The following MS4A13 variants were observed in gnomAD, a reference collection of about 807,000 sequenced individuals.
MS4A13 encodes membrane-spanning 4-domains subfamily A member 13.
In MS4A13, 21 loss-of-function variants were observed where a neutral mutation model predicts 18.4. The ratio of observed to expected loss-of-function variants is 1.14; its 90% confidence interval spans 0.81 to 1.64. MS4A13 has a LOEUF of 1.64. MS4A13 is among the 40% of genes most tolerant of loss of function. MS4A13 has a pLI of 0.00. For missense variants in MS4A13, 173 were observed against 176.8 expected (o/e 0.98, Z 0.12); for synonymous variants, 62 against 57.2 (o/e 1.08, Z -0.38).
chr11:60,542,512 T>C lies in MS4A13; in HGVS notation c.403-7T>C. 1 of 1,603,900 alleles carries C rather than the reference T, an allele frequency of 6.2e-7. No individual in the cohort carries two copies. The highest frequency in any genetic ancestry group is 1.3e-5 in the African/African-American group (1 of 74,716). The stretch of plus-strand genomic sequence containing the variant: ...ATATGATTTGTAAGAGGTTACTTTT[T>C]TTCCAGTTTCGAAGACAAAATGATC... On this transcript the variant is annotated splice_polypyrimidine_tract_variant and splice_region_variant and intron_variant, in intron 6 of 6. Coordinates refer to ENST00000378186, the MANE Select transcript of MS4A13 (RefSeq NM_001012417.3).
At chr11:60,542,853 A>C (rs1466025223), downstream of MS4A13, 2 of 235,708 alleles carry the variant, frequency 8.5e-6, no homozygotes, top group African/African-American at 2.2e-5. Context: ...CTTTTGTAAG[A>C]GACTGTAAAA....
At position 60,542,677 on chromosome 11, in the gene MS4A13, C is replaced by A; in HGVS notation, c.*102C>A. 6 of 638,420 alleles carry A rather than the reference C, an allele frequency of 9.4e-6. No individual in the cohort carries two copies. The highest frequency in any genetic ancestry group is 6.3e-5 in the Admixed American group (2 of 31,944). The allele number at this position is 638,420 out of a possible 1,614,324, so 39.5% of individuals were successfully genotyped here. ...AGTTACGAAGCCTACAGATTTTGTGCAAAATAAAATACAAACAAGGTGAAT... is the reference window on the plus strand; with the variant it reads ...AGTTACGAAGCCTACAGATTTTGTGAAAAATAAAATACAAACAAGGTGAAT... On this transcript the variant is annotated 3_prime_UTR_variant, in exon 7 of 7. Transcript: ENST00000378186.
At chr11:60,527,125 C>T (rs2086718590) in intron 5 of MS4A13, among the ~76,000 whole-genome samples, 1 of 152,160 alleles carries the variant, frequency 6.6e-6, no homozygotes, top group African/African-American at 2.4e-5. Flanking sequence ...AAGACTCCCT[C>T]GTTTCAATCT....
chr11:60,539,613 C>T (rs1246635740), intron 6 of MS4A13, among the ~76,000 whole-genome samples: 1 of 151,968 alleles, frequency 6.6e-6, no homozygotes, highest in Non-Finnish European at 1.5e-5. Flanking sequence ...ATCCAAAAAG[C>T]TCAAGGATCT....
intron 5 of MS4A13, among the ~76,000 whole-genome samples, chr11:60,526,605 T>G (rs1374727465): frequency 6.6e-6 from 1 of 152,244 alleles, no homozygotes; most frequent in African/African-American, 2.4e-5. Context: ...TATATTAGAC[T>G]TATATCTCAA....
At chr11:60,541,263 T>G (rs2086855911) in intron 6 of MS4A13, among the ~76,000 whole-genome samples, 4 of 152,238 alleles carry the variant, frequency 2.6e-5, no homozygotes, top group Admixed American at 2.6e-4. Context: ...GTAATTTAAG[T>G]CTTTGGTATA....
chr11:60,518,724 C>T (rs1217481936), intron 3 of MS4A13, among the ~76,000 whole-genome samples: 2 of 152,032 alleles, frequency 1.3e-5, no homozygotes, highest in Non-Finnish European at 1.5e-5. Context: ...GTTGTTTTGT[C>T]AAATAAAATG....
rs181073655 is a variant in MS4A13, at chr11:60,542,364, A to G, written c.403-155A>G. Among the ~76,000 whole-genome samples, 115 of 152,160 alleles carry G rather than the reference A, an allele frequency of 7.6e-4. 2 individuals are homozygous for G. In the East Asian group the frequency reaches 0.017, roughly 22 times the overall value. ...AAGAGAAAGAAAGGAAGAAAGAAAT[A>G]AGGTTGAAATAGGAATGGGACAGAA... On this transcript the variant is annotated intron_variant, in intron 6 of 6. Transcript: ENST00000378186.
Position 60,529,467 on chromosome 11 carries a change from GT to G in MS4A13, c.402+10del. 1.3e-6 allele frequency: 2 copies of G among 1,523,128 alleles called. No individual in the cohort carries two copies. Among genetic ancestry groups the G allele is most frequent in the Non-Finnish European group, 1.8e-6 (2 of 1,116,980 alleles). The allele number at this position is 1,523,128 out of a possible 1,614,324, so 94.4% of individuals were successfully genotyped here. On this transcript the variant is annotated splice_region_variant and intron_variant, in intron 6 of 6. Transcript: ENST00000378186. ...ATACAGCTGTTCCAATTTGGTAAGT[GT>G]TTACCCACTCTCTGGCAAATCAAAA...
In MS4A13 at chr11:60,529,350, GT is replaced by G. The variant is rs368274488; in HGVS notation, c.307-9del. The stretch of plus-strand genomic sequence containing the variant: ...GATAATAGCATTAAGATTTCTCCCT[GT>G]TTTTTGGTTATAGAAACTTGGGAGG... On this transcript the variant is annotated splice_polypyrimidine_tract_variant and intron_variant, in intron 5 of 6. Coordinates refer to ENST00000378186, the MANE Select transcript of MS4A13 (RefSeq NM_001012417.3). 0.018 allele frequency: 26,154 copies of G among 1,439,698 alleles called. 386 individuals are homozygous for G. Among genetic ancestry groups the G allele is most frequent in the South Asian group, 0.05 (4,236 of 84,658 alleles). The allele number at this position is 1,439,698 out of a possible 1,614,324, so 89.2% of individuals were successfully genotyped here.
intron 3 of MS4A13, among the ~76,000 whole-genome samples, chr11:60,520,787 T>C (rs943906967): frequency 2.0e-5 from 3 of 152,190 alleles, no homozygotes; most frequent in African/African-American, 7.2e-5. Context: ...GGTGGCCTTC[T>C]TCTCACAGCT....
At chr11:60,530,914 AG>A (rs11355414) in intron 6 of MS4A13, among the ~76,000 whole-genome samples, 25,037 of 152,150 alleles carry the variant, frequency 0.16, 2,305 homozygotes, top group East Asian at 0.27. Context: ...CATGTGAAAA[AG>A]GTCCTTGCTT....
At chr11:60,516,317 G>A (rs1311489597) in intron 2 of MS4A13, among the ~76,000 whole-genome samples, 1 of 152,024 alleles carries the variant, frequency 6.6e-6, no homozygotes, top group Non-Finnish European at 1.5e-5. Flanking sequence ...AGAAATCCAA[G>A]TAAGGTTTAA....
rs771146990 is a variant in MS4A13, at chr11:60,529,445, C to A, written c.387C>A (p.Tyr129Ter). Residue 129 changes from tyrosine (Y) to a stop codon, truncating the protein, a stop_gained, in exon 6 of 7, where the codon TAC (tyrosine) becomes TAA (stop). Transcript: ENST00000378186. LOFTEE classifies it low-confidence loss of function (END_TRUNC). Reference protein sequence around the residue: ...EFSIALTHSIYSCSNLFRRQN... With the variant: ...EFSIALTHSI Reference sequence around the variant, plus strand: ...CTATTGCACTTACACACTCAATATACAGCTGTTCCAATTTGGTAAGTGTTT... The same window carrying A: ...CTATTGCACTTACACACTCAATATAAAGCTGTTCCAATTTGGTAAGTGTTT... 6.2e-7 allele frequency: 1 copy of A among 1,600,958 alleles called. No homozygotes were observed. The highest frequency in any genetic ancestry group is 1.7e-5 in the Admixed American group (1 of 58,388).
intron 3 of MS4A13, among the ~76,000 whole-genome samples, chr11:60,518,830 G>A (rs1410248525): frequency 1.3e-5 from 2 of 152,202 alleles, no homozygotes; most frequent in Non-Finnish European, 2.9e-5. Flanking sequence ...AACCTGGTAG[G>A]AGTTGATTTA....
intron 6 of MS4A13, among the ~76,000 whole-genome samples, chr11:60,540,287 G>A (rs1181362189): frequency 4.6e-5 from 7 of 152,148 alleles, no homozygotes; most frequent in Non-Finnish European, 7.3e-5. Context: ...TTGCAAAAAC[G>A]GGAGTGGGCT....
At position 60,542,623 on chromosome 11, in the gene MS4A13, G is replaced by T; in HGVS notation, c.*48G>T. Reference sequence around the variant, plus strand: ...TTGCTGTTGCTGATGCCTGGTGTGGGTCCTAATGATATCTCTGTATAACAA... The same window carrying T: ...TTGCTGTTGCTGATGCCTGGTGTGGTTCCTAATGATATCTCTGTATAACAA... On this transcript the variant is annotated 3_prime_UTR_variant, in exon 7 of 7. Transcript: ENST00000378186. 1 of 1,222,116 alleles carries T rather than the reference G, an allele frequency of 8.2e-7. No homozygotes were observed. Among genetic ancestry groups the T allele is most frequent in the Non-Finnish European group, 1.2e-6 (1 of 839,812 alleles). 75.7% of individuals were successfully genotyped at this position (1,222,116 alleles called of 1,614,324 possible). A position where few individuals can be genotyped will look rare whatever the true frequency, so the allele number is the denominator to read the frequency against.
At chr11:60,532,442 C>T (rs547748294) in intron 6 of MS4A13, among the ~76,000 whole-genome samples, 1 of 152,272 alleles carries the variant, frequency 6.6e-6, no homozygotes, top group East Asian at 1.9e-4. Context: ...TCACTCCCAC[C>T]CGAATATTGC....
chr11:60,532,663 G>T (rs1374023882), intron 6 of MS4A13, among the ~76,000 whole-genome samples: 1 of 150,996 alleles, frequency 6.6e-6, no homozygotes, highest in African/African-American at 2.4e-5. Context: ...ACTGGGTGGA[G>T]CCCACCACAG....
Sources: gnomAD v4.1 joint callset for allele counts (sites outside exome capture counted in the v4.1 genomes callset) on GRCh38, gnomAD v4.1.1 for gene constraint, MANE v1.5 for transcripts, NCBI Gene and HGNC (gene_info 2026-07-23, HGNC 2026-07-21) for gene names.